Variants in ARHGAP23 observed in about 807,000 individuals in gnomAD.
ARHGAP23 encodes Rho GTPase activating protein 23.
ARHGAP23 carries 34 observed loss-of-function variants against 136.3 expected under a neutral mutation model. That is an observed-to-expected ratio of 0.25 (90% CI 0.19 to 0.33). ARHGAP23 has a LOEUF of 0.33. Ranked by LOEUF, ARHGAP23 falls within the 10% of genes least tolerant of loss-of-function variation. The pLI is 1.00. For synonymous variants in ARHGAP23, 832 were observed against 920.5 expected (o/e 0.90, Z 1.74); for missense variants, 1,808 against 2,139.0 (o/e 0.85, Z 3.05).
chr17:38,447,420 C>T (rs946672074), intron 1 of ARHGAP23, among the ~76,000 whole-genome samples: 1 of 106,388 alleles, frequency 9.4e-6, no homozygotes, highest in Admixed American at 1.4e-4. Flanking sequence ...CCAGCCTGGG[C>T]AACAGAGACT....
intron 23 of ARHGAP23, among the ~76,000 whole-genome samples, chr17:38,504,423 A>G (rs2040584660): frequency 6.6e-6 from 1 of 152,196 alleles, no homozygotes; most frequent in East Asian, 1.9e-4. Flanking sequence ...CCCGGCTGTA[A>G]GGAAGGGGCT....
intron 16 of ARHGAP23, among the ~76,000 whole-genome samples, chr17:38,484,263 G>C (rs200291668): frequency 1.3e-5 from 2 of 152,028 alleles, no homozygotes; most frequent in Non-Finnish European, 2.9e-5. Flanking sequence ...AGGAAGAGCC[G>C]CATGTTTGAG....
chr17:38,419,805 G>C (rs925862907), intron 1 of ARHGAP23, among the ~76,000 whole-genome samples: 1 of 152,066 alleles, frequency 6.6e-6, no homozygotes, highest in Admixed American at 6.5e-5. Context: ...GGTGGGCTCT[G>C]TGCCATATGA....
chr17:38,426,572 A>AAAAAAAAAAG (rs1567767218), upstream of ARHGAP23, among the ~76,000 whole-genome samples: 18 of 149,392 alleles, frequency 1.2e-4, no homozygotes, highest in African/African-American at 4.3e-4. Context: ...AAAAAAAAAA[A>AAAAAAAAAAG]TCCAGGCAGT....
intron 2 of ARHGAP23, 119 bp from the exon 3 acceptor site, chr17:38,460,786 T>A: frequency 6.5e-7 from 1 of 1,531,440 alleles, no homozygotes; most frequent in Non-Finnish European, 8.7e-7. Flanking sequence ...CCTGCTGGGC[T>A]ACTTGGGAGG....
At position 38,511,211 on chromosome 17, in the gene ARHGAP23, T is replaced by G. The variant is rs908927689; in HGVS notation, c.*239T>G. On this transcript the variant is annotated 3_prime_UTR_variant, in exon 24 of 24. Coordinates refer to ENST00000622683, the MANE Select transcript of ARHGAP23 (RefSeq NM_001199417.2). The stretch of plus-strand genomic sequence containing the variant: ...GTGATGAGCAGAAGAGGAGGGGGCG[T>G]GGGCTGCTGGGGTCTGTGTCCCTGC... 1 of 481,620 alleles carries G rather than the reference T, an allele frequency of 2.1e-6. No individual in the cohort carries two copies. Among genetic ancestry groups the G allele is most frequent in the Non-Finnish European group, 3.5e-6 (1 of 282,068 alleles). The allele number at this position is 481,620 out of a possible 1,614,324, so 29.8% of individuals were successfully genotyped here. A position where few individuals can be genotyped will look rare whatever the true frequency, so the allele number is the denominator to read the frequency against.
In ARHGAP23 at chr17:38,460,888, T is replaced by A. The variant is rs1240013386; in HGVS notation, c.226-17T>A. 6.5e-7 allele frequency: 1 copy of A among 1,535,974 alleles called. No homozygotes were observed. The highest frequency in any genetic ancestry group is 2.0e-5 in the Admixed American group (1 of 50,986). On this transcript the variant is annotated splice_polypyrimidine_tract_variant and intron_variant, in intron 2 of 23. Coordinates refer to ENST00000622683, the MANE Select transcript of ARHGAP23 (RefSeq NM_001199417.2). ...GGGCTGGACTGACGCCCACACCCACTCCTCTGTTCCCTGCAGGAGGAAGAG... is the reference window on the plus strand; with the variant it reads ...GGGCTGGACTGACGCCCACACCCACACCTCTGTTCCCTGCAGGAGGAAGAG...
At chr17:38,425,478 G>A (rs1332531566), upstream of ARHGAP23, among the ~76,000 whole-genome samples, 25 of 152,188 alleles carry the variant, frequency 1.6e-4, no homozygotes, top group Admixed American at 9.2e-4. Context: ...CCCCTCAAGG[G>A]AAGGATCTAG....
In ARHGAP23 at chr17:38,429,997, C is replaced by G. The variant is rs554161428; in HGVS notation, c.63+1449C>G. Among the ~76,000 whole-genome samples the G allele has an allele frequency of 5.3e-5, 8 of 152,216 alleles. No homozygotes were observed. The East Asian group carries it at 1.6e-3, about 30-fold the overall frequency. ...TCGCCTCCAAAGGCAGCCCAAAGGC[C>G]CCCGGCCCCAGCGGCTTCTTCCACT... On this transcript the variant is annotated intron_variant, in intron 1 of 23. Coordinates refer to ENST00000622683, the MANE Select transcript of ARHGAP23 (RefSeq NM_001199417.2).
intron 16 of ARHGAP23, among the ~76,000 whole-genome samples, chr17:38,485,524 G>A (rs1436344693): frequency 6.6e-6 from 1 of 152,176 alleles, no homozygotes; most frequent in African/African-American, 2.4e-5. Context: ...GCGCCAGGAA[G>A]GAAACAAAGT....
chr17:38,461,286 A>C (rs2039454837), intron 3 of ARHGAP23, among the ~76,000 whole-genome samples: 1 of 152,230 alleles, frequency 6.6e-6, no homozygotes, highest in East Asian at 1.9e-4. Context: ...GCAGGGCTGC[A>C]GGGCCTGGGG....
At chr17:38,471,015 C>T (rs1326948156) in intron 10 of ARHGAP23, among the ~76,000 whole-genome samples, 4 of 147,302 alleles carry the variant, frequency 2.7e-5, no homozygotes, top group African/African-American at 7.6e-5. Flanking sequence ...TGCAGTGGCA[C>T]GATCTCAGCT....
chr17:38,494,441 C>T (rs1471661884), intron 20 of ARHGAP23, among the ~76,000 whole-genome samples: 3 of 152,026 alleles, frequency 2.0e-5, no homozygotes, highest in African/African-American at 7.3e-5. Flanking sequence ...AGGAATATTG[C>T]CAGCGGGTGT....
intron 23 of ARHGAP23, among the ~76,000 whole-genome samples, chr17:38,502,974 G>A (rs1249981337): frequency 6.6e-6 from 1 of 152,222 alleles, no homozygotes; most frequent in Non-Finnish European, 1.5e-5. Flanking sequence ...GAGCTTGGGA[G>A]GTTGAGGCTG....
chr17:38,477,448 T>A lies in ARHGAP23; in HGVS notation c.2119-131T>A. The stretch of plus-strand genomic sequence containing the variant: ...AGGAGGCTGCCCAGGTCTAGCCGGG[T>A]GGAGCAGGGGGCTCCTGGTAGGCAG... On this transcript the variant is annotated intron_variant, in intron 11 of 23. Transcript: ENST00000622683. This position sits in a 1 kb window ranked among gnomAD's most constrained non-coding sequence, Gnocchi z 6.6. 2.2e-6 allele frequency: 2 copies of A among 902,278 alleles called. No homozygotes were observed. Among genetic ancestry groups the A allele is most frequent in the Non-Finnish European group, 1.4e-6 (1 of 718,824 alleles). The allele number at this position is 902,278 out of a possible 1,614,324, so 55.9% of individuals were successfully genotyped here.
chr17:38,495,515 G>A lies in ARHGAP23; in HGVS notation c.3277-2270G>A, dbSNP rs2040373225. On this transcript the variant is annotated intron_variant, in intron 20 of 23. Coordinates refer to ENST00000622683, the MANE Select transcript of ARHGAP23 (RefSeq NM_001199417.2). ...CCCAAAGTGCTGGGACTATAGGTGT[G>A]AGCCACTGTGCCCGGCCAGAGCTTG... Among the ~76,000 whole-genome samples the A allele has an allele frequency of 3.3e-5, 5 of 152,150 alleles. No individual in the cohort carries two copies. In the South Asian group the frequency reaches 1.0e-3, roughly 32 times the overall value.
At chr17:38,469,343 C>T in intron 8 of ARHGAP23, 44 bp downstream of exon 8, 1 of 1,520,420 alleles carries the variant, frequency 6.6e-7, no homozygotes, top group Non-Finnish European at 8.8e-7. Context: ...TCCCTCGCTG[C>T]CCAGTCCCAG....
At chr17:38,503,069 CAAAA>C (rs1304242761) in intron 23 of ARHGAP23, among the ~76,000 whole-genome samples, 8 of 151,974 alleles carry the variant, frequency 5.3e-5, no homozygotes, top group Non-Finnish European at 8.8e-5. Flanking sequence ...AACAAACAAA[CAAAA>C]AAAGACGAAA....
At chr17:38,480,512 T>C (rs2040011198) in intron 14 of ARHGAP23, among the ~76,000 whole-genome samples, 1 of 151,874 alleles carries the variant, frequency 6.6e-6, no homozygotes, top group African/African-American at 2.4e-5. Context: ...CAGGCACCTG[T>C]AGTCCCAGCT....
Sources: gnomAD v4.1 joint callset for allele counts (sites outside exome capture counted in the v4.1 genomes callset) on GRCh38, gnomAD v4.1.1 for gene constraint, Gnocchi (gnomAD v3.1) non-coding constraint, MANE v1.5 for transcripts, NCBI Gene and HGNC (gene_info 2026-07-23, HGNC 2026-07-21) for gene names.